The following HS1BP3 variants were observed in gnomAD, a reference collection of about 807,000 sequenced individuals.
HS1BP3 encodes HCLS1 binding protein 3.
HS1BP3 carries 32 observed loss-of-function variants against 33.5 expected under a neutral mutation model. The observed-to-expected ratio is 0.95, with a 90% CI of 0.72 to 1.28. HS1BP3 has a LOEUF of 1.28. HS1BP3 is among the 50% of genes most tolerant of loss of function. The pLI, the probability that HS1BP3 is intolerant of heterozygous loss-of-function variation, is 0.00. For missense variants in HS1BP3, 486 were observed against 502.3 expected, an observed-to-expected ratio of 0.97 and a Z score of 0.31; for synonymous variants, 187 against 209.2, an observed-to-expected ratio of 0.89 and a Z score of 0.92.
intron 5 of HS1BP3, among the ~76,000 whole-genome samples, chr2:20,578,429 T>C (rs542250669): frequency 1.6e-3 from 247 of 152,256 alleles, no homozygotes; most frequent in Non-Finnish European, 3.0e-3. Context: ...CAACCAGAAG[T>C]AGAGCCCCAG....
intron 1 of HS1BP3, among the ~76,000 whole-genome samples, chr2:20,647,970 G>C (rs1449318555): frequency 6.6e-6 from 1 of 152,200 alleles, no homozygotes; most frequent in Non-Finnish European, 1.5e-5. Context: ...AGGCTTCGCT[G>C]TCACATCTGC....
chr2:20,635,392 A>G (rs1305460060), intron 4 of HS1BP3: 3 of 152,340 alleles, frequency 2.0e-5, no homozygotes, highest in Admixed American at 2.0e-4. Context: ...AGCTGGAAAA[A>G]AGCAAATTCC....
intron 2 of HS1BP3, among the ~76,000 whole-genome samples, chr2:20,608,861 T>C (rs1460869272): frequency 6.6e-6 from 1 of 152,180 alleles, no homozygotes; most frequent in African/African-American, 2.4e-5. Context: ...GGAGTTCCTA[T>C]GCCTCACTCC....
chr2:20,618,734 A>C lies in HS1BP3; in HGVS notation c.*253T>G. ...CATCCCCACACCCTCCCTCCCCTTC[A>C]TGTCCACGGGGAATAAGACACATTG... is the stretch of plus-strand genomic sequence containing the variant. On this transcript the variant is annotated 3_prime_UTR_variant, in exon 7 of 7. Transcript: ENST00000304031. The C allele has an allele frequency of 7.7e-7, 1 of 1,293,172 alleles. No individual in the cohort carries two copies. Among genetic ancestry groups the C allele is most frequent in the Non-Finnish European group, 9.8e-7 (1 of 1,020,946 alleles). The allele number at this position is 1,293,172 out of a possible 1,614,324, so 80.1% of individuals were successfully genotyped here.
intron 5 of HS1BP3, among the ~76,000 whole-genome samples, chr2:20,574,342 T>A (rs1693348865): frequency 6.6e-6 from 1 of 152,252 alleles, no homozygotes. Context: ...TCACAATTTA[T>A]GAGTTCAGCA....
At chr2:20,622,187 T>A in intron 6 of HS1BP3, 1 of 1,289,906 alleles carries the variant, frequency 7.8e-7, no homozygotes, top group Non-Finnish European at 1.0e-6. Context: ...AATGAATGAA[T>A]GGCTATCAGA....
At chr2:20,622,090 CTTAGCCTCG>C in intron 6 of HS1BP3, 1 of 858,374 alleles carries the variant, frequency 1.2e-6, no homozygotes, top group Non-Finnish European at 1.5e-6. Flanking sequence ...ACAAAGCCTT[CTTAGCCTCG>C]ACCCGCTCAG....
chr2:20,594,911 G>T (rs1693908829), intron 3 of HS1BP3, among the ~76,000 whole-genome samples: 1 of 152,088 alleles, frequency 6.6e-6, no homozygotes, highest in African/African-American at 2.4e-5. Flanking sequence ...AAACAGGAGG[G>T]CTCTGTCCTA....
intron 2 of HS1BP3, among the ~76,000 whole-genome samples, chr2:20,605,783 C>A (rs897638793): frequency 1.3e-5 from 2 of 152,224 alleles, no homozygotes; most frequent in Non-Finnish European, 2.9e-5. Context: ...TACTTTAGGG[C>A]TGTTCTTTAT....
intron 3 of HS1BP3, among the ~76,000 whole-genome samples, chr2:20,595,400 A>G (rs1034135506): frequency 1.3e-5 from 2 of 152,152 alleles, no homozygotes; most frequent in African/African-American, 4.8e-5. Flanking sequence ...ACTCACCAGG[A>G]GCAGAACCCT....
At chr2:20,610,658 G>T (rs559791762) in intron 2 of HS1BP3, among the ~76,000 whole-genome samples, 2 of 152,232 alleles carry the variant, frequency 1.3e-5, no homozygotes, top group African/African-American at 4.8e-5. Flanking sequence ...CCCAAGTCTT[G>T]GTAATTGTGA....
chr2:20,568,399 G>T (rs867809208), intron 5 of HS1BP3, among the ~76,000 whole-genome samples: 1 of 152,206 alleles, frequency 6.6e-6, no homozygotes, highest in Non-Finnish European at 1.5e-5. Context: ...GTTCCTAGGA[G>T]CTGGAGCCGG....
At chr2:20,579,145 G>T (rs1172371514) in intron 5 of HS1BP3, among the ~76,000 whole-genome samples, 2 of 152,260 alleles carry the variant, frequency 1.3e-5, no homozygotes, top group Admixed American at 6.5e-5. Context: ...ACACAGCTGA[G>T]GCTGGGCGGC....
chr2:20,590,385 C>T (rs1278208767), downstream of HS1BP3, among the ~76,000 whole-genome samples: 3 of 152,206 alleles, frequency 2.0e-5, no homozygotes, highest in Non-Finnish European at 2.9e-5. Flanking sequence ...CTGGAGTCAC[C>T]TTCTATCACA....
At chr2:20,554,494 C>G in the HS1BP3 span, among the ~76,000 whole-genome samples, 857 of 152,094 alleles carry the variant, frequency 5.6e-3, 3 homozygotes, top group Non-Finnish European at 9.2e-3. Context: ...AGGCCGAGGC[C>G]GGCGGATCAC....
chr2:20,650,608 C>T (rs1469884559), intron 1 of HS1BP3, among the ~76,000 whole-genome samples: 1 of 152,254 alleles, frequency 6.6e-6, no homozygotes, highest in African/African-American at 2.4e-5. Flanking sequence ...CTGCAGCCCC[C>T]TGCAGGGCGA....
chr2:20,650,675 G>C (rs1402519872), intron 1 of HS1BP3, among the ~76,000 whole-genome samples: 1 of 152,216 alleles, frequency 6.6e-6, no homozygotes, highest in Non-Finnish European at 1.5e-5. Flanking sequence ...GACTCAGGGA[G>C]CTCTGAAAGG....
At chr2:20,646,551 A>G (rs934604) in intron 1 of HS1BP3, among the ~76,000 whole-genome samples, 151,544 of 152,392 alleles carry the variant, frequency 0.99, 75,355 homozygotes, top group Non-Finnish European at 1. Flanking sequence ...TATGCCATGT[A>G]TGACACCCAA....
chr2:20,591,621 G>T (rs535973393), downstream of HS1BP3, among the ~76,000 whole-genome samples: 5 of 152,342 alleles, frequency 3.3e-5, no homozygotes, highest in East Asian at 9.6e-4. Context: ...ACCCAGGCTG[G>T]AGTACAGTGG....
Sources: gnomAD v4.1 joint callset for allele counts (sites outside exome capture counted in the v4.1 genomes callset) on GRCh38, gnomAD v4.1.1 for gene constraint, MANE v1.5 for transcripts, NCBI Gene and HGNC (gene_info 2026-07-23, HGNC 2026-07-21) for gene names.